DIPK1A: variants seen among roughly 807,000 people sequenced by gnomAD.
DIPK1A encodes the protein divergent protein kinase domain 1A, also known as family with sequence similarity 69 member A.
A neutral mutation model predicts 40.8 loss-of-function variants in DIPK1A; 27 were observed. That is an observed-to-expected ratio of 0.66 (90% confidence interval 0.49 to 0.91). DIPK1A has a LOEUF of 0.91. DIPK1A is among the 40% of genes least tolerant of loss of function. DIPK1A has a pLI of 0.00. For missense variants in DIPK1A, 412 were observed against 505.7 expected, an observed-to-expected ratio of 0.81 and a Z score of 1.78; for synonymous variants, 166 against 171.3, an observed-to-expected ratio of 0.97 and a Z score of 0.24.
At chr1:92,921,191 T>C (rs1650256401) in intron 1 of DIPK1A, among the ~76,000 whole-genome samples, 3 of 152,172 alleles carry the variant, frequency 2.0e-5, no homozygotes, top group Admixed American at 2.0e-4. Flanking sequence ...AGTTGCTTTG[T>C]TCTAGGTTGC....
chr1:92,927,767 T>C (rs1238184538), intron 1 of DIPK1A, among the ~76,000 whole-genome samples: 1 of 152,258 alleles, frequency 6.6e-6, no homozygotes, highest in African/African-American at 2.4e-5. Flanking sequence ...GATTCATCCA[T>C]GTTACAACAT....
rs139109278 is a variant in DIPK1A at position 92,835,000 on chromosome 1, G to A, written c.475-1966C>T. ...AAGATGTTTGTACATGGATAAGATA[G>A]CTTAAGTTGTGCTTCAGGAGAGTGC... On this transcript the variant is annotated intron_variant, in intron 4 of 4. Transcript: ENST00000615519. 5.1e-5 allele frequency: 80 copies of A among 1,575,644 alleles called. No individual in the cohort carries two copies. The East Asian group carries it at 1.7e-3, about 33-fold the overall frequency.
At chr1:92,910,732 A>T (rs1254233229) in intron 1 of DIPK1A, among the ~76,000 whole-genome samples, 1 of 152,222 alleles carries the variant, frequency 6.6e-6, no homozygotes, top group East Asian at 1.9e-4. Context: ...GCTGTAAGAA[A>T]GAATACAGAG....
At chr1:92,925,563 G>T (rs1007218976) in intron 1 of DIPK1A, among the ~76,000 whole-genome samples, 4 of 151,852 alleles carry the variant, frequency 2.6e-5, no homozygotes, top group Non-Finnish European at 5.9e-5. Flanking sequence ...GTACGATCTC[G>T]GCTCACTGCA....
chr1:92,832,751 G>A (rs1686959849), exon 5 of DIPK1A: 2 of 471,876 alleles, frequency 4.2e-6, no homozygotes, highest in East Asian at 7.0e-5. Context: ...ATTGGGGTAG[G>A]GCCCCAAGGG....
Position 92,961,377 on chromosome 1 carries a change from T to C in DIPK1A, c.53A>G (p.Gln18Arg). The change falls in exon 1 of 5, where the codon CAG (glutamine) becomes CGG (arginine). Residue 18 changes from glutamine to arginine, a missense_variant and splice_region_variant. Physicochemically the swap from Gln to Arg is conservative, Grantham distance 43. Transcript: ENST00000370310. ...GTGGCTGGGCGGCCGCCGGCCTACC[T>C]GGAGGTAATAGGGTTTCCTTAGCCA... ...GAWLRKPYYL[Q>R]ARFSYVRMKY... 3.3e-6 allele frequency: 5 copies of C among 1,521,040 alleles called. No individual in the cohort carries two copies. Among genetic ancestry groups the C allele is most frequent in the Non-Finnish European group, 4.4e-6 (5 of 1,131,326 alleles). The allele number at this position is 1,521,040 out of a possible 1,614,324, so 94.2% of individuals were successfully genotyped here.
chr1:92,880,913 G>A (rs575722576), intron 1 of DIPK1A, among the ~76,000 whole-genome samples: 4 of 149,260 alleles, frequency 2.7e-5, no homozygotes, highest in South Asian at 4.2e-4. Flanking sequence ...TACTTCTGGC[G>A]GGGCGCGGTG....
chr1:92,943,876 A>G (rs986243461), intron 1 of DIPK1A, among the ~76,000 whole-genome samples: 2 of 152,240 alleles, frequency 1.3e-5, no homozygotes, highest in African/African-American at 4.8e-5. Context: ...CACCAAGCAC[A>G]TGAGAAAGTC....
intron 1 of DIPK1A, among the ~76,000 whole-genome samples, chr1:92,914,667 A>G (rs946994759): frequency 2.6e-5 from 4 of 151,320 alleles, no homozygotes; most frequent in Admixed American, 6.6e-5. Context: ...TACTTGGGAG[A>G]CTGAGGCAGG....
chr1:92,837,402 C>T (rs765544108), downstream of DIPK1A: 36 of 1,469,722 alleles, frequency 2.4e-5, no homozygotes, highest in Admixed American at 3.7e-4. Context: ...TAAATTCTTA[C>T]TAGTAAACTA....
chr1:92,851,962 G>T (rs182740210), intron 2 of DIPK1A, among the ~76,000 whole-genome samples: 1 of 152,300 alleles, frequency 6.6e-6, no homozygotes, highest in Admixed American at 6.5e-5. Flanking sequence ...ATGATAAAAT[G>T]CTCAGAAATG....
chr1:92,853,299 A>G (rs748203683), intron 2 of DIPK1A, among the ~76,000 whole-genome samples: 10 of 152,356 alleles, frequency 6.6e-5, no homozygotes, highest in Non-Finnish European at 1.5e-4. Context: ...TAATCTATAG[A>G]TTGAAAGGAC....
chr1:92,951,296 T>C (rs1308016223), intron 1 of DIPK1A, among the ~76,000 whole-genome samples: 2 of 152,192 alleles, frequency 1.3e-5, no homozygotes, highest in African/African-American at 4.8e-5. Flanking sequence ...CCATGAACCA[T>C]GAACCATGAA....
intron 2 of DIPK1A, among the ~76,000 whole-genome samples, chr1:92,862,325 T>A (rs1053989486): frequency 6.6e-6 from 1 of 152,156 alleles, no homozygotes; most frequent in Non-Finnish European, 1.5e-5. Context: ...TGTCCCAAGG[T>A]TGTCCTCCTT....
chr1:92,910,359 G>C (rs1649783518), intron 1 of DIPK1A, among the ~76,000 whole-genome samples: 1 of 152,076 alleles, frequency 6.6e-6, no homozygotes, highest in Non-Finnish European at 1.5e-5. Context: ...TCCACCCCTA[G>C]ACCTACTGAA....
chr1:92,932,691 C>G (rs1402895774), intron 1 of DIPK1A: 1 of 152,096 alleles, frequency 6.6e-6, no homozygotes, highest in African/African-American at 2.4e-5. Flanking sequence ...GTGAAAGAAG[C>G]CAATCTGAAA....
intron 4 of DIPK1A, among the ~76,000 whole-genome samples, chr1:92,845,137 C>T (rs1399747580): frequency 4.0e-5 from 6 of 150,892 alleles, no homozygotes; most frequent in East Asian, 2.0e-4. Flanking sequence ...TTAGTAGAGA[C>T]GGGGTTTCAC....
chr1:92,911,057 T>C (rs1649807615), intron 1 of DIPK1A, among the ~76,000 whole-genome samples: 1 of 152,222 alleles, frequency 6.6e-6, no homozygotes, highest in African/African-American at 2.4e-5. Flanking sequence ...ATACAATATG[T>C]AAACTTTGAG....
At chr1:92,876,032 A>G (rs1165685968) in intron 2 of DIPK1A, among the ~76,000 whole-genome samples, 1 of 149,650 alleles carries the variant, frequency 6.7e-6, no homozygotes, top group Non-Finnish European at 1.5e-5. Flanking sequence ...AAAAATATAT[A>G]TATATATAAT....
Sources: gnomAD v4.1 joint callset for allele counts (sites outside exome capture counted in the v4.1 genomes callset) on GRCh38, gnomAD v4.1.1 for gene constraint, MANE v1.5 for transcripts, NCBI Gene and HGNC (gene_info 2026-07-23, HGNC 2026-07-21) for gene names.